Variants in KCNC2 observed in about 807,000 individuals in gnomAD.
The protein encoded by KCNC2 is voltage-gated potassium channel KCNC2.
KCNC2 carries 21 observed loss-of-function variants against 44.5 expected under a neutral mutation model. That is an observed-to-expected ratio of 0.47 (90% confidence interval 0.33 to 0.68). KCNC2 has a LOEUF of 0.68. Among genes scored for constraint, KCNC2 ranks in the 30% least tolerant of loss-of-function variants. The probability of loss-of-function intolerance (pLI) is 0.01; values close to 1 mark genes in which losing one functional copy is unlikely to be tolerated. For synonymous variants in KCNC2, 391 were observed against 339.1 expected (o/e 1.15, Z -1.68); for missense variants, 589 against 826.2 (o/e 0.71, Z 3.52).
At chr12:75,129,085 A>G (rs1394688402) in intron 2 of KCNC2, among the ~76,000 whole-genome samples, 1 of 152,226 alleles carries the variant, frequency 6.6e-6, no homozygotes, top group African/African-American at 2.4e-5. Flanking sequence ...GTCAGCTAGT[A>G]ATAGTTGCTC....
intron 2 of KCNC2, among the ~76,000 whole-genome samples, chr12:75,069,221 A>G (rs1592797632): frequency 8.0e-6 from 1 of 125,498 alleles, no homozygotes; most frequent in African/African-American, 3.0e-5. Flanking sequence ...CGCAACCTCC[A>G]CCTCCAAGGT....
At chr12:75,164,972 T>G (rs1017800787) in intron 2 of KCNC2, among the ~76,000 whole-genome samples, 12 of 151,634 alleles carry the variant, frequency 7.9e-5, no homozygotes, top group African/African-American at 2.9e-4. Context: ...ATAACCATTG[T>G]TTAGGAAGTA....
chr12:75,155,228 T>A (rs1235680521), intron 2 of KCNC2, among the ~76,000 whole-genome samples: 3 of 151,990 alleles, frequency 2.0e-5, no homozygotes, highest in Non-Finnish European at 2.9e-5. Context: ...GATTAGGGCC[T>A]GATTTTATAA....
intron 2 of KCNC2, among the ~76,000 whole-genome samples, chr12:75,088,353 T>G (rs1885196847): frequency 6.6e-6 from 1 of 152,104 alleles, no homozygotes; most frequent in Non-Finnish European, 1.5e-5. Flanking sequence ...AACTTGTCTC[T>G]CCTACAATGC....
At chr12:75,060,841 T>C (rs1216103397) in intron 2 of KCNC2, among the ~76,000 whole-genome samples, 1 of 152,114 alleles carries the variant, frequency 6.6e-6, no homozygotes, top group Non-Finnish European at 1.5e-5. Context: ...CTGATATGAA[T>C]ATCACCTCTC....
chr12:75,102,194 A>G (rs576158393), intron 2 of KCNC2, among the ~76,000 whole-genome samples: 1 of 152,238 alleles, frequency 6.6e-6, no homozygotes, highest in East Asian at 1.9e-4. Context: ...ACAAGCCAGT[A>G]GTGGAAGCTT....
intron 2 of KCNC2, among the ~76,000 whole-genome samples, chr12:75,128,268 A>G (rs1311244077): frequency 6.6e-6 from 1 of 152,200 alleles, no homozygotes; most frequent in African/African-American, 2.4e-5. Flanking sequence ...TCACATCCCC[A>G]TATGCTTTAA....
Position 75,050,775 on chromosome 12 carries a change from A to C in KCNC2, c.1230T>G (p.Pro410=). Residue 410 remains proline, a synonymous_variant, in exon 3 of 5, where the codon CCT becomes CCG. Transcript: ENST00000549446. ...IYYAERVGAQ[P]NDPSASEHTQ... ...TGTGCTCACTAGCTGAAGGGTCGTTAGGTTGAGCTCCCACTCTCTCGGCAT... is the reference window on the plus strand; with the variant it reads ...TGTGCTCACTAGCTGAAGGGTCGTTCGGTTGAGCTCCCACTCTCTCGGCAT... 6.2e-7 allele frequency: 1 copy of C among 1,613,502 alleles called. No homozygotes were observed. The highest frequency in any genetic ancestry group is 8.5e-7 in the Non-Finnish European group (1 of 1,179,834).
At chr12:75,149,799 AT>A (rs1199115598) in intron 2 of KCNC2, among the ~76,000 whole-genome samples, 1 of 151,868 alleles carries the variant, frequency 6.6e-6, no homozygotes, top group Non-Finnish European at 1.5e-5. Flanking sequence ...AAATATAATT[AT>A]TAAATTTAGA....
At chr12:75,087,498 G>C (rs1019308115) in intron 2 of KCNC2, among the ~76,000 whole-genome samples, 1 of 152,030 alleles carries the variant, frequency 6.6e-6, no homozygotes, top group East Asian at 1.9e-4. Context: ...TAATAATCTT[G>C]TAAAGACAGG....
At chr12:75,088,855 T>C (rs1342737825) in intron 2 of KCNC2, among the ~76,000 whole-genome samples, 1 of 151,934 alleles carries the variant, frequency 6.6e-6, no homozygotes, top group Admixed American at 6.6e-5. Context: ...CAGATCTATA[T>C]ATAAAACAAC....
At chr12:75,106,799 T>C (rs1023714210) in intron 2 of KCNC2, among the ~76,000 whole-genome samples, 6 of 152,180 alleles carry the variant, frequency 3.9e-5, no homozygotes, top group Admixed American at 1.3e-4. Flanking sequence ...TATACTACTA[T>C]GGAGAAAGCA....
At chr12:75,084,290 T>TAGATAGATAGATGATAGATA (rs200893949) in intron 2 of KCNC2, among the ~76,000 whole-genome samples, 13 of 123,730 alleles carry the variant, frequency 1.1e-4, no homozygotes, top group African/African-American at 4.3e-4. Context: ...GATAGATAGA[T>TAGATAGATAGATGATAGATA]GATAGATAGA....
intron 2 of KCNC2, among the ~76,000 whole-genome samples, chr12:75,101,010 T>C (rs1162571006): frequency 2.6e-5 from 4 of 152,028 alleles, no homozygotes; most frequent in Non-Finnish European, 5.9e-5. Context: ...GTTACAAGGG[T>C]ATTGATAAAT....
intron 2 of KCNC2, among the ~76,000 whole-genome samples, chr12:75,097,549 A>T (rs182239173): frequency 1.3e-5 from 2 of 152,248 alleles, no homozygotes; most frequent in Admixed American, 6.6e-5. Flanking sequence ...TTTTACTGTA[A>T]ATCTAAACTG....
chr12:75,180,062 T>C (rs1892475840), intron 2 of KCNC2, among the ~76,000 whole-genome samples: 1 of 151,960 alleles, frequency 6.6e-6, no homozygotes. Flanking sequence ...TGTTGTTCTT[T>C]ATTATCAAAG....
At chr12:75,073,016 T>A (rs1265538568) in intron 2 of KCNC2, among the ~76,000 whole-genome samples, 1 of 152,082 alleles carries the variant, frequency 6.6e-6, no homozygotes, top group Admixed American at 6.6e-5. Context: ...AAAACCCAAA[T>A]CTGATCTAAA....
At chr12:75,068,662 G>A (rs894083705) in intron 2 of KCNC2, among the ~76,000 whole-genome samples, 10 of 152,126 alleles carry the variant, frequency 6.6e-5, no homozygotes, top group African/African-American at 2.4e-4. Context: ...ATTAAAAAAG[G>A]GATTTGAGGA....
At chr12:75,061,362 G>C (rs1025070263) in intron 2 of KCNC2, among the ~76,000 whole-genome samples, 1 of 152,082 alleles carries the variant, frequency 6.6e-6, no homozygotes, top group African/African-American at 2.4e-5. Flanking sequence ...GGTACTGTGA[G>C]AGATGTAAAG....
Sources: gnomAD v4.1 joint callset for allele counts (sites outside exome capture counted in the v4.1 genomes callset) on GRCh38, gnomAD v4.1.1 for gene constraint, MANE v1.5 for transcripts, NCBI Gene and HGNC (gene_info 2026-07-23, HGNC 2026-07-21) for gene names.